The following OSBPL1A variants were observed in gnomAD, a reference collection of about 807,000 sequenced individuals.
The protein encoded by OSBPL1A is oxysterol-binding protein-related protein 1.
A neutral mutation model predicts 137.1 loss-of-function variants in OSBPL1A; 80 were observed. The ratio of observed to expected loss-of-function variants is 0.58; its 90% CI spans 0.49 to 0.70. The LOEUF (loss-of-function observed/expected upper bound fraction) is 0.70, where lower values mean the gene tolerates loss of function less well. Ranked by LOEUF, OSBPL1A falls within the 30% of genes least tolerant of loss-of-function variation. OSBPL1A has a pLI of 0.00. For synonymous variants in OSBPL1A, 365 were observed against 389.7 expected, an observed-to-expected ratio of 0.94 and a Z score of 0.75; for missense variants, 970 against 1,129.4, an observed-to-expected ratio of 0.86 and a Z score of 2.02.
intron 14 of OSBPL1A, among the ~76,000 whole-genome samples, chr18:24,293,710 G>A (rs2090234907): frequency 6.6e-6 from 1 of 152,158 alleles, no homozygotes; most frequent in Non-Finnish European, 1.5e-5. Flanking sequence ...GCCAGAAAGG[G>A]AACTGGGAGG....
Position 24,396,279 on chromosome 18 carries a change from C to T in OSBPL1A, c.-3+1376G>A, listed in dbSNP as rs544551713. On this transcript the variant is annotated intron_variant, in intron 1 of 27. Transcript: ENST00000319481. ...ATACCTGACTGCTCTGAATCAAAGT[C>T]GGCTACAATAATACATGCAAAAATG... Among the ~76,000 whole-genome samples, 5 of 151,000 alleles carry T rather than the reference C, an allele frequency of 3.3e-5. No homozygotes were observed. The South Asian group carries it at 8.4e-4, about 25-fold the overall frequency.
chr18:24,272,503 C>T (rs1427872354), intron 15 of OSBPL1A, among the ~76,000 whole-genome samples: 1 of 152,112 alleles, frequency 6.6e-6, no homozygotes, highest in Non-Finnish European at 1.5e-5. Context: ...ATTATTCCAG[C>T]CAGGCTTGAA....
At chr18:24,172,609 C>A (rs1291693412) in intron 21 of OSBPL1A, 126 bp from the exon 22 acceptor site, 4 of 588,902 alleles carry the variant, frequency 6.8e-6, no homozygotes, top group Middle Eastern at 2.7e-4. Context: ...ACGTTCTAAG[C>A]CTTTAAAAAT....
intron 7 of OSBPL1A, among the ~76,000 whole-genome samples, chr18:24,319,254 C>T (rs932422752): frequency 4.6e-5 from 7 of 152,298 alleles, no homozygotes; most frequent in Admixed American, 2.0e-4. Flanking sequence ...CTCCAAAGCA[C>T]ATCATTCCAA....
intron 18 of OSBPL1A, among the ~76,000 whole-genome samples, chr18:24,192,554 G>T (rs1250570613): frequency 2.6e-5 from 4 of 152,196 alleles, no homozygotes; most frequent in African/African-American, 9.7e-5. Context: ...AAAACAGACT[G>T]GGAGAAGAAA....
At chr18:24,212,231 C>A (rs1599499896) in intron 17 of OSBPL1A, among the ~76,000 whole-genome samples, 1 of 147,836 alleles carries the variant, frequency 6.8e-6, no homozygotes, top group South Asian at 2.2e-4. Context: ...CCACACCTGG[C>A]TAATTTTTTT....
intron 18 of OSBPL1A, among the ~76,000 whole-genome samples, chr18:24,187,305 T>C (rs1009279178): frequency 2.0e-5 from 3 of 152,132 alleles, no homozygotes; most frequent in Non-Finnish European, 4.4e-5. Context: ...GTTCTGTGGA[T>C]GGACAGTGGT....
intron 4 of OSBPL1A, among the ~76,000 whole-genome samples, chr18:24,353,394 C>T (rs1235441235): frequency 2.6e-5 from 4 of 152,002 alleles, no homozygotes; most frequent in East Asian, 1.9e-4. Flanking sequence ...CTTAGAATGG[C>T]GATCATTAAA....
chr18:24,170,874 C>G (rs2086262971), intron 23 of OSBPL1A, among the ~76,000 whole-genome samples: 1 of 152,228 alleles, frequency 6.6e-6, no homozygotes, highest in South Asian at 2.1e-4. Flanking sequence ...TGGTCTCGAA[C>G]TGGCTGCAAG....
chr18:24,304,055 G>T (rs892277863), intron 13 of OSBPL1A, among the ~76,000 whole-genome samples: 5 of 151,832 alleles, frequency 3.3e-5, no homozygotes, highest in Non-Finnish European at 7.4e-5. Flanking sequence ...CTTTTAGTAG[G>T]CCTCATGAAA....
intron 16 of OSBPL1A, among the ~76,000 whole-genome samples, chr18:24,236,361 T>C (rs1301106678): frequency 2.0e-5 from 3 of 151,956 alleles, no homozygotes; most frequent in African/African-American, 2.4e-5. Context: ...TCCCTTGTAA[T>C]AGAGTGAAGG....
At chr18:24,242,146 G>C (rs1309412545) in intron 15 of OSBPL1A, among the ~76,000 whole-genome samples, 1 of 151,862 alleles carries the variant, frequency 6.6e-6, no homozygotes, top group East Asian at 1.9e-4. Context: ...GGCAAGGAGA[G>C]GGAGAGCATT....
At chr18:24,303,755 A>G in intron 13 of OSBPL1A, 37 bp from the exon 14 acceptor site, 2 of 1,539,876 alleles carry the variant, frequency 1.3e-6, no homozygotes, top group Non-Finnish European at 1.8e-6. Context: ...AAACAAAGTA[A>G]TAAAAGATTT....
intron 14 of OSBPL1A, among the ~76,000 whole-genome samples, chr18:24,282,914 G>A (rs976651860): frequency 6.6e-6 from 1 of 152,174 alleles, no homozygotes; most frequent in East Asian, 1.9e-4. Flanking sequence ...TTCAAGACCA[G>A]CCTGAGCAAA....
intron 16 of OSBPL1A, among the ~76,000 whole-genome samples, chr18:24,226,941 G>A (rs1186714084): frequency 1.4e-5 from 2 of 143,332 alleles, no homozygotes; most frequent in Admixed American, 7.3e-5. Context: ...ACCCAGGCTG[G>A]AGTGCAGTGG....
chr18:24,355,617 G>C (rs546713904), intron 4 of OSBPL1A, among the ~76,000 whole-genome samples: 1 of 152,252 alleles, frequency 6.6e-6, no homozygotes, highest in South Asian at 2.1e-4. Flanking sequence ...ACCCATCCAA[G>C]TACAACTCAA....
At chr18:24,321,251 A>G (rs2090849417) in intron 7 of OSBPL1A, among the ~76,000 whole-genome samples, 1 of 152,164 alleles carries the variant, frequency 6.6e-6, no homozygotes, top group South Asian at 2.1e-4. Flanking sequence ...GAGTTGTGCA[A>G]CTATCACATG....
At chr18:24,319,976 C>A (rs1363180105) in intron 7 of OSBPL1A, among the ~76,000 whole-genome samples, 3 of 140,700 alleles carry the variant, frequency 2.1e-5, no homozygotes, top group Non-Finnish European at 4.6e-5. Flanking sequence ...GAGACCTTAT[C>A]TCTACAAAAA....
intron 17 of OSBPL1A, among the ~76,000 whole-genome samples, chr18:24,210,372 C>T (rs1435267341): frequency 2.6e-5 from 4 of 151,926 alleles, no homozygotes; most frequent in Admixed American, 6.6e-5. Flanking sequence ...TTGCCAAAAT[C>T]GTGAGTAGTG....
Sources: gnomAD v4.1 joint callset for allele counts (sites outside exome capture counted in the v4.1 genomes callset) on GRCh38, gnomAD v4.1.1 for gene constraint, MANE v1.5 for transcripts, NCBI Gene and HGNC (gene_info 2026-07-23, HGNC 2026-07-21) for gene names.